Variants in UNC13C observed in about 807,000 individuals in gnomAD.
UNC13C encodes protein unc-13 homolog C.
UNC13C carries 174 observed loss-of-function variants against 245.4 expected under a neutral mutation model. That is an observed-to-expected ratio of 0.71 (90% CI 0.63 to 0.80). The LOEUF (loss-of-function observed/expected upper bound fraction) is 0.80. Among genes scored for constraint, UNC13C ranks in the 30% least tolerant of loss-of-function variants. UNC13C has a pLI of 0.00. For synonymous variants in UNC13C, 992 were observed against 895.1 expected (o/e 1.11, Z -1.93); for missense variants, 2,829 against 2,602.9 (o/e 1.09, Z -1.89).
At position 54,269,034 on chromosome 15, in the gene UNC13C, C is replaced by CT. The variant is rs201716854; in HGVS notation, c.3818+3549dup. 1.2e-3 allele frequency among the ~76,000 whole-genome samples: 171 copies of CT among 145,236 alleles called. 1 individual carries two copies. The highest frequency in any genetic ancestry group is 2.8e-3 in the African/African-American group (113 of 39,766). ...AGTCTAATGGACTCTACCTTGGTTT[C>CT]TTTTTTTTTTTAATTTTTTATTTTA... is the stretch of plus-strand genomic sequence containing the variant. On this transcript the variant is annotated intron_variant, in intron 10 of 32. Coordinates refer to ENST00000260323, the MANE Select transcript of UNC13C (RefSeq NM_001080534.3).
intron 1 of UNC13C, among the ~76,000 whole-genome samples, chr15:53,987,414 A>G (rs1894190450): frequency 2.0e-5 from 3 of 152,040 alleles, no homozygotes; most frequent in African/African-American, 7.2e-5. Flanking sequence ...TTAAAGAGGA[A>G]CAGAAAAGAG....
chr15:53,866,563 G>C, the UNC13C span, among the ~76,000 whole-genome samples: 1 of 152,174 alleles, frequency 6.6e-6, no homozygotes, highest in Non-Finnish European at 1.5e-5. Context: ...TTCAAGAATA[G>C]TTAGAAACAA....
At chr15:54,265,757 T>TA (rs989654897) in intron 10 of UNC13C, among the ~76,000 whole-genome samples, 4 of 151,958 alleles carry the variant, frequency 2.6e-5, no homozygotes, top group East Asian at 1.9e-4. Context: ...TTGCAGGAGA[T>TA]AAAAAAAGAT....
At chr15:54,388,485 C>T (rs9920417) in intron 17 of UNC13C, among the ~76,000 whole-genome samples, 5,812 of 152,218 alleles carry the variant, frequency 0.038, 371 homozygotes, top group African/African-American at 0.13. Context: ...ACTTTTACTA[C>T]CCCACCAGTA....
chr15:54,161,255 G>C (rs1049795944), intron 4 of UNC13C, among the ~76,000 whole-genome samples: 14 of 152,002 alleles, frequency 9.2e-5, no homozygotes, highest in Non-Finnish European at 1.5e-4. Context: ...CATGCTATTT[G>C]TTCTATATGT....
At chr15:53,858,302 A>G in the UNC13C span, among the ~76,000 whole-genome samples, 1 of 152,060 alleles carries the variant, frequency 6.6e-6, no homozygotes. Flanking sequence ...ATTAAGTTAA[A>G]TTATGTTTGG....
chr15:53,902,667 G>C, the UNC13C span, among the ~76,000 whole-genome samples: 2 of 152,034 alleles, frequency 1.3e-5, no homozygotes, highest in African/African-American at 4.8e-5. Context: ...GTGCATAAGG[G>C]GGTATATAAT....
At chr15:54,497,266 A>G (rs1466622490) in intron 20 of UNC13C, among the ~76,000 whole-genome samples, 1 of 152,160 alleles carries the variant, frequency 6.6e-6, no homozygotes, top group Non-Finnish European at 1.5e-5. Flanking sequence ...AGAAAAATGC[A>G]CTAAGGTGAG....
At chr15:53,866,394 A>G in the UNC13C span, among the ~76,000 whole-genome samples, 48 of 152,340 alleles carry the variant, frequency 3.2e-4, no homozygotes, top group African/African-American at 1.1e-3. Flanking sequence ...AGAAGACCAC[A>G]TAGACAACAC....
At chr15:54,026,156 G>C (rs976453712) in intron 2 of UNC13C, among the ~76,000 whole-genome samples, 1 of 152,096 alleles carries the variant, frequency 6.6e-6, no homozygotes, top group Non-Finnish European at 1.5e-5. Flanking sequence ...CATGCCCTTT[G>C]CATTTTCTAG....
chr15:54,251,519 A>G (rs562212921), intron 8 of UNC13C, among the ~76,000 whole-genome samples: 2 of 152,272 alleles, frequency 1.3e-5, no homozygotes, highest in Admixed American at 1.3e-4. Context: ...ATGACAAGTT[A>G]CCTTAAATTT....
chr15:53,889,212 C>A, the UNC13C span, among the ~76,000 whole-genome samples: 2 of 152,084 alleles, frequency 1.3e-5, no homozygotes, highest in Non-Finnish European at 2.9e-5. Context: ...TTGTTTGTGT[C>A]CTCTCTTATT....
intron 13 of UNC13C, among the ~76,000 whole-genome samples, chr15:54,307,093 T>G (rs1473245214): frequency 6.6e-6 from 1 of 151,992 alleles, no homozygotes; most frequent in Admixed American, 6.6e-5. Flanking sequence ...TTCAATAGAT[T>G]TTCTGAGGAT....
intron 5 of UNC13C, 68 bp from the exon 6 acceptor site, chr15:54,236,362 A>G: frequency 8.1e-7 from 1 of 1,237,492 alleles, no homozygotes; most frequent in African/African-American, 1.5e-5. Context: ...ACATTGTTAT[A>G]CTCTTTTCCT....
intron 10 of UNC13C, among the ~76,000 whole-genome samples, chr15:54,284,622 C>T (rs1462117501): frequency 2.2e-5 from 3 of 138,908 alleles, no homozygotes; most frequent in African/African-American, 8.0e-5. Flanking sequence ...CATGTGCACA[C>T]TTGTGCACAC....
At chr15:54,118,215 G>A (rs898257626) in intron 2 of UNC13C, among the ~76,000 whole-genome samples, 1 of 151,920 alleles carries the variant, frequency 6.6e-6, no homozygotes, top group Non-Finnish European at 1.5e-5. Flanking sequence ...TTTTCATAGT[G>A]AGTATATTTA....
the UNC13C span, among the ~76,000 whole-genome samples, chr15:53,925,830 TGAA>T: frequency 6.6e-6 from 1 of 152,226 alleles, no homozygotes. Context: ...TCGGATCTTG[TGAA>T]TGATCGCCAT....
At chr15:54,147,645 C>A (rs1329686644) in intron 4 of UNC13C, among the ~76,000 whole-genome samples, 1 of 152,028 alleles carries the variant, frequency 6.6e-6, no homozygotes, top group African/African-American at 2.4e-5. Context: ...TTAAGTTTAC[C>A]TTTCCCTTGA....
At chr15:53,904,890 A>G in the UNC13C span, among the ~76,000 whole-genome samples, 31 of 152,232 alleles carry the variant, frequency 2.0e-4, no homozygotes, top group Non-Finnish European at 4.1e-4. Context: ...TCCAACCTAG[A>G]GATGTTGTGG....
Sources: allele counts gnomAD v4.1 joint callset (sites outside exome capture counted in the v4.1 genomes callset), GRCh38; gene constraint gnomAD v4.1.1; transcripts MANE v1.5; gene names NCBI Gene and HGNC (gene_info 2026-07-23, HGNC 2026-07-21).